C4orf50: variants seen among roughly 807,000 people sequenced by gnomAD.
The protein encoded by C4orf50 is uncharacterized protein C4orf50.
C4orf50 carries 80 observed loss-of-function variants against 77.2 expected under a neutral mutation model. That is an observed-to-expected ratio of 1.04 (90% CI 0.87 to 1.25). C4orf50 has a LOEUF of 1.25. Ranked by LOEUF, C4orf50 falls within the 50% of genes most tolerant of loss-of-function variation. C4orf50 has a pLI of 0.00. For synonymous variants in C4orf50, 532 were observed against 465.3 expected, an observed-to-expected ratio of 1.14 and a Z score of -1.84; for missense variants, 1,257 against 1,152.9, an observed-to-expected ratio of 1.09 and a Z score of -1.31.
intron 25 of C4orf50, among the ~76,000 whole-genome samples, chr4:6,003,670 G>GAT (rs1721954688): frequency 7.1e-6 from 1 of 141,670 alleles, no homozygotes; most frequent in Non-Finnish European, 1.6e-5. Context: ...TGATGGTGAT[G>GAT]GTGATGATAG....
chr4:5,993,037 C>G (rs73212661), intron 26 of C4orf50, 107 bp from the exon 5 acceptor site: 5 of 396,578 alleles, frequency 1.3e-5, no homozygotes, highest in Non-Finnish European at 2.2e-5. Flanking sequence ...GGCACCCCCC[C>G]CACCCCCGAC....
chr4:5,993,485 T>C (rs1244364991), intron 26 of C4orf50, among the ~76,000 whole-genome samples: 1 of 152,260 alleles, frequency 6.6e-6, no homozygotes, highest in East Asian at 1.9e-4. Context: ...GCTCCCTGAG[T>C]GCAGGGGCTC....
chr4:5,974,486 T>C (rs985453533), intron 30 of C4orf50, among the ~76,000 whole-genome samples: 33 of 151,926 alleles, frequency 2.2e-4, no homozygotes, highest in African/African-American at 1.2e-4. Context: ...AAATGTGGGG[T>C]GGAAAATAAC....
At chr4:5,939,730 A>C (rs952175900) in intron 7 of C4orf50, among the ~76,000 whole-genome samples, 1 of 152,100 alleles carries the variant, frequency 6.6e-6, no homozygotes. Flanking sequence ...TGGTCATTGC[A>C]CTGAACCAGG....
In C4orf50 at chr4:6,000,238, G is replaced by A. The variant is rs1721774523; in HGVS notation, c.964-5762C>T. 6.6e-6 allele frequency among the ~76,000 whole-genome samples: 1 copy of A among 152,144 alleles called. No individual in the cohort carries two copies. The highest frequency in any genetic ancestry group is 1.5e-5 in the Non-Finnish European group (1 of 68,026). ...CTCTGGACTCTGCGACTTCACAGAT[G>A]TGCAGAGGCCTGGAAGCCACAGCCA... On this transcript the variant is annotated intron_variant, in intron 25 of 33. Coordinates refer to ENST00000531445, the Ensembl canonical transcript of C4orf50. The surrounding 1 kb of genome is among the most constrained non-coding windows in gnomAD (Gnocchi z 6.0).
chr4:5,928,922 T>C (rs1036578466), intron 7 of C4orf50, among the ~76,000 whole-genome samples: 1 of 152,224 alleles, frequency 6.6e-6, no homozygotes, highest in Admixed American at 6.5e-5. Context: ...CTGGGGGGTT[T>C]TGACTTTGCA....
intron 7 of C4orf50, among the ~76,000 whole-genome samples, chr4:5,927,093 G>A (rs1432914852): frequency 6.6e-6 from 1 of 152,184 alleles, no homozygotes; most frequent in African/African-American, 2.4e-5. Flanking sequence ...CTTGTCAGAT[G>A]GTGGTGACCA....
intron 7 of C4orf50, among the ~76,000 whole-genome samples, chr4:5,906,792 T>C (rs927028323): frequency 2.0e-5 from 3 of 152,228 alleles, no homozygotes; most frequent in African/African-American, 7.2e-5. Flanking sequence ...AAATGTATTT[T>C]TATCTATCTG....
In C4orf50 at chr4:5,932,044, C is replaced by T. The variant is rs962960769; in HGVS notation, c.*2474+24857G>A. Among the ~76,000 whole-genome samples, 10 of 143,680 alleles carry T rather than the reference C, an allele frequency of 7.0e-5. No individual in the cohort carries two copies. The highest frequency in any genetic ancestry group is 1.8e-4 in the African/African-American group (7 of 38,284). The allele number at this position is 143,680 out of a possible 152,430, so 94.3% of individuals were successfully genotyped here. The stretch of plus-strand genomic sequence containing the variant: ...CCCCAAAATGCTAAGCTCTTCCCAA[C>T]GCCCCCCCGCCCCCCACCCCTGCCA... On this transcript the variant is annotated intron_variant, in intron 7 of 7. Transcript: ENST00000324058. This position sits in a 1 kb window ranked among gnomAD's most constrained non-coding sequence, Gnocchi z 4.2.
chr4:5,985,568 GA>G (rs927374688), intron 28 of C4orf50, among the ~76,000 whole-genome samples: 7 of 149,290 alleles, frequency 4.7e-5, no homozygotes, highest in Admixed American at 2.0e-4. Flanking sequence ...AGCTAATGGA[GA>G]AAAAAAATAA....
At chr4:5,985,353 TTATAAGA>T (rs1300076158) in intron 28 of C4orf50, among the ~76,000 whole-genome samples, 1 of 151,892 alleles carries the variant, frequency 6.6e-6, no homozygotes, top group African/African-American at 2.4e-5. Context: ...TAACAGTGGC[TTATAAGA>T]TTTATTCTAC....
At chr4:5,957,421 A>G (rs1474257459) in exon 34 of C4orf50, 1 of 152,186 alleles carries the variant, frequency 6.6e-6, no homozygotes, top group African/African-American at 2.4e-5. Flanking sequence ...GTCCCAAAAT[A>G]CAGAGGGAGG....
chr4:6,010,878 T>C (rs1722467929), intron 24 of C4orf50, among the ~76,000 whole-genome samples: 1 of 152,210 alleles, frequency 6.6e-6, no homozygotes, highest in African/African-American at 2.4e-5. Context: ...ATACCTACTG[T>C]TGGGAGTCTT....
At chr4:5,913,524 TA>T (rs1468056519) in intron 7 of C4orf50, among the ~76,000 whole-genome samples, 1 of 152,198 alleles carries the variant, frequency 6.6e-6, no homozygotes, top group Non-Finnish European at 1.5e-5. Context: ...ATAGATGAGA[TA>T]AAATGCTTTC....
chr4:5,915,338 C>T (rs971154965), intron 7 of C4orf50, among the ~76,000 whole-genome samples: 3 of 152,258 alleles, frequency 2.0e-5, no homozygotes, highest in African/African-American at 4.8e-5. Flanking sequence ...TTCTTGATAC[C>T]GTTATGTGCA....
intron 7 of C4orf50, among the ~76,000 whole-genome samples, chr4:5,942,568 A>C (rs1718313219): frequency 6.6e-6 from 1 of 152,226 alleles, no homozygotes; most frequent in African/African-American, 2.4e-5. Flanking sequence ...ATAACATCAA[A>C]TATTTAGTGA....
chr4:5,917,630 T>C (rs904060399), intron 7 of C4orf50, among the ~76,000 whole-genome samples: 7 of 152,090 alleles, frequency 4.6e-5, no homozygotes, highest in Non-Finnish European at 7.4e-5. Context: ...GCCAGGATGG[T>C]CTCGATCTCT....
chr4:6,006,431 G>T (rs895641068), intron 25 of C4orf50, among the ~76,000 whole-genome samples: 1 of 152,130 alleles, frequency 6.6e-6, no homozygotes, highest in Non-Finnish European at 1.5e-5. Flanking sequence ...AATAAACTTT[G>T]GACTCTCATC....
intron 7 of C4orf50, among the ~76,000 whole-genome samples, chr4:5,939,072 T>C (rs1173785153): frequency 6.6e-6 from 1 of 152,098 alleles, no homozygotes; most frequent in Non-Finnish European, 1.5e-5. Flanking sequence ...TGAAACCCCA[T>C]CTCTACCAAA....
Sources: gnomAD v4.1 joint callset for allele counts (sites outside exome capture counted in the v4.1 genomes callset) on GRCh38, gnomAD v4.1.1 for gene constraint, Gnocchi (gnomAD v3.1) non-coding constraint, MANE v1.5 for transcripts, NCBI Gene and HGNC (gene_info 2026-07-23, HGNC 2026-07-21) for gene names.